PRORP: variants seen among roughly 807,000 people sequenced by gnomAD.
PRORP encodes the protein protein only RNase P catalytic subunit.
Under a neutral mutation model 59.4 loss-of-function variants are expected in PRORP, and 51 were observed. That is an observed-to-expected ratio of 0.86 (90% CI 0.69 to 1.08). The LOEUF is 1.08. Ranked by LOEUF, PRORP falls within the 50% of genes least tolerant of loss-of-function variation. PRORP has a pLI of 0.00. For synonymous variants in PRORP, 231 were observed against 245.6 expected, an observed-to-expected ratio of 0.94 and a Z score of 0.55; for missense variants, 646 against 690.3, an observed-to-expected ratio of 0.94 and a Z score of 0.72.
chr14:35,238,979 T>C (rs537593147), intron 5 of PRORP, among the ~76,000 whole-genome samples: 1 of 152,334 alleles, frequency 6.6e-6, no homozygotes, highest in South Asian at 2.1e-4. Flanking sequence ...CCCTATGGAC[T>C]AAGTGTTGTA....
rs866773004 is a variant in PRORP at position 35,176,366 on chromosome 14, T to C, written c.1168-4304T>C. On this transcript the variant is annotated intron_variant, in intron 4 of 7. Transcript: ENST00000534898. Reference sequence around the variant, plus strand: ...ATTTTCACAATACTGATTCTTCCTATCCATGAGCATGGAATGTTCTTCCAT... The same window carrying C: ...ATTTTCACAATACTGATTCTTCCTACCCATGAGCATGGAATGTTCTTCCAT... Among the ~76,000 whole-genome samples the C allele has an allele frequency of 9.8e-5, 15 of 152,308 alleles. No homozygotes were observed. The South Asian group carries it at 1.2e-3, about 13-fold the overall frequency.
At chr14:35,256,270 C>A (rs1202804287) in intron 5 of PRORP, among the ~76,000 whole-genome samples, 3 of 122,464 alleles carry the variant, frequency 2.4e-5, no homozygotes, top group Non-Finnish European at 3.3e-5. Context: ...GGTGACAGAG[C>A]GAGACTCTGT....
chr14:35,202,780 C>CCGCCA (rs1364675484), intron 5 of PRORP, among the ~76,000 whole-genome samples: 1 of 152,110 alleles, frequency 6.6e-6, no homozygotes, highest in Non-Finnish European at 1.5e-5. Context: ...CAGGCATGTG[C>CCGCCA]CGCCACACCT....
chr14:35,131,653 C>T (rs549617637), intron 4 of PRORP, among the ~76,000 whole-genome samples: 7 of 151,372 alleles, frequency 4.6e-5, no homozygotes, highest in Non-Finnish European at 7.4e-5. Flanking sequence ...TTCAGCCTTC[C>T]GAGTAGCTGG....
chr14:35,245,549 G>A (rs911239149), intron 5 of PRORP, among the ~76,000 whole-genome samples: 4 of 152,212 alleles, frequency 2.6e-5, no homozygotes, highest in African/African-American at 9.6e-5. Flanking sequence ...GGGGGCTGAG[G>A]AAGGAGGATC....
At chr14:35,151,843 G>A (rs923310569) in intron 4 of PRORP, among the ~76,000 whole-genome samples, 2 of 151,450 alleles carry the variant, frequency 1.3e-5, no homozygotes, top group East Asian at 3.9e-4. Flanking sequence ...ACCATTTACT[G>A]AATTCTTAGT....
At chr14:35,184,507 A>T (rs1309605600) in intron 5 of PRORP, among the ~76,000 whole-genome samples, 1 of 152,000 alleles carries the variant, frequency 6.6e-6, no homozygotes, top group East Asian at 1.9e-4. Context: ...TTTAATTTTA[A>T]CCTAAATCTT....
intron 5 of PRORP, among the ~76,000 whole-genome samples, chr14:35,252,753 CAG>C (rs1394903234): frequency 1.3e-5 from 2 of 152,182 alleles, no homozygotes; most frequent in Non-Finnish European, 2.9e-5. Flanking sequence ...ACACAGAAAA[CAG>C]AAAATATCAG....
At chr14:35,230,169 C>T (rs1262851961) in intron 5 of PRORP, among the ~76,000 whole-genome samples, 1 of 151,180 alleles carries the variant, frequency 6.6e-6, no homozygotes, top group Non-Finnish European at 1.5e-5. Flanking sequence ...TCTCCTGCCT[C>T]AGCCTCTCTA....
chr14:35,127,495 T>C lies in PRORP; in HGVS notation c.1051T>C (p.Cys351Arg). The C allele has an allele frequency of 6.2e-7, 1 of 1,608,042 alleles. No individual in the cohort carries two copies. Among genetic ancestry groups the C allele is most frequent in the African/African-American group, 1.3e-5 (1 of 74,688 alleles). Residue 351 changes from cysteine to arginine, a missense_variant, in exon 4 of 8, where the codon TGT becomes CGT. Physicochemically the swap from Cys to Arg is radical, Grantham distance 180. Coordinates refer to ENST00000534898, the MANE Select transcript of PRORP (RefSeq NM_014672.4). ...TVRKSGQCSG[C>R]GKTIESIQLS... Reference sequence around the variant, plus strand: ...TAATTACAGTGGCCAGTGTTCGGGCTGTGGAAAAACCATAGAGTCTATTCA... The same window carrying C: ...TAATTACAGTGGCCAGTGTTCGGGCCGTGGAAAAACCATAGAGTCTATTCA...
chr14:35,266,564 C>G (rs1190272241), intron 5 of PRORP, among the ~76,000 whole-genome samples, 163 bp from the exon 6 acceptor site: 1 of 152,144 alleles, frequency 6.6e-6, no homozygotes, highest in African/African-American at 2.4e-5. Context: ...AATAGGGAAG[C>G]ATTTTCCTCA....
chr14:35,162,818 G>C (rs543290004), intron 4 of PRORP, among the ~76,000 whole-genome samples: 1 of 151,968 alleles, frequency 6.6e-6, no homozygotes, highest in South Asian at 2.1e-4. Context: ...CTGATGTGAG[G>C]TATAGTTCCA....
chr14:35,146,601 A>T (rs2047616955), intron 4 of PRORP, among the ~76,000 whole-genome samples: 1 of 152,184 alleles, frequency 6.6e-6, no homozygotes, highest in Non-Finnish European at 1.5e-5. Context: ...TGTGTGGTAA[A>T]TGGAAAACTT....
At chr14:35,124,589 A>C (rs1235965714) in intron 2 of PRORP, among the ~76,000 whole-genome samples, 1 of 151,508 alleles carries the variant, frequency 6.6e-6, no homozygotes, top group African/African-American at 2.4e-5. Context: ...AAAAGTAACA[A>C]CATACATAAT....
At chr14:35,219,999 T>C (rs1566505742) in intron 5 of PRORP, among the ~76,000 whole-genome samples, 2 of 152,228 alleles carry the variant, frequency 1.3e-5, no homozygotes, top group Non-Finnish European at 2.9e-5. Context: ...TGTTGTCTCT[T>C]TTTGTCTCAA....
intron 5 of PRORP, among the ~76,000 whole-genome samples, chr14:35,253,027 TA>T (rs1278733922): frequency 1.3e-5 from 2 of 152,072 alleles, no homozygotes; most frequent in Non-Finnish European, 2.9e-5. Context: ...CTTCCATCCT[TA>T]AAAAAATTGA....
intron 5 of PRORP, among the ~76,000 whole-genome samples, chr14:35,226,525 C>G (rs1217897343): frequency 6.6e-6 from 1 of 152,128 alleles, no homozygotes; most frequent in South Asian, 2.1e-4. Flanking sequence ...CTCCACTGTT[C>G]AGACAACAAC....
chr14:35,124,402 A>C, intron 2 of PRORP, 171 bp downstream of exon 2: 1 of 398,334 alleles, frequency 2.5e-6, no homozygotes, highest in Non-Finnish European at 4.4e-6. Flanking sequence ...TCAGTAGCTA[A>C]AACCACAGGC....
At chr14:35,156,654 T>A in intron 4 of PRORP, among the ~76,000 whole-genome samples, 1 of 152,214 alleles carries the variant, frequency 6.6e-6, no homozygotes, top group East Asian at 1.9e-4. Flanking sequence ...ATAAAAATAC[T>A]GTAGTTCCTT....
Sources: allele counts gnomAD v4.1 joint callset (sites outside exome capture counted in the v4.1 genomes callset), GRCh38; gene constraint gnomAD v4.1.1; transcripts MANE v1.5; gene names NCBI Gene and HGNC (gene_info 2026-07-23, HGNC 2026-07-21).